TMC5: variants seen among roughly 807,000 people sequenced by gnomAD.
TMC5 encodes transmembrane channel-like protein 5.
TMC5 carries 86 observed loss-of-function variants against 110.5 expected under a neutral mutation model. That is an observed-to-expected ratio of 0.78 (90% CI 0.65 to 0.93). The LOEUF is 0.93. Ranked by LOEUF, TMC5 falls within the 40% of genes least tolerant of loss-of-function variation. The probability of loss-of-function intolerance (pLI) is 0.00; values close to 1 mark genes in which losing one functional copy is unlikely to be tolerated. For missense variants in TMC5, 1,144 were observed against 1,222.8 expected (o/e 0.94, Z 0.96); for synonymous variants, 455 against 439.5 (o/e 1.04, Z -0.44).
chr16:19,454,919 G>C (rs1967829682), intron 5 of TMC5, among the ~76,000 whole-genome samples: 1 of 152,136 alleles, frequency 6.6e-6, no homozygotes, highest in Admixed American at 6.6e-5. Flanking sequence ...TGGGAGAATT[G>C]CTTGAAACCA....
chr16:19,447,411 A>G (rs796911765), intron 4 of TMC5, among the ~76,000 whole-genome samples: 46 of 152,302 alleles, frequency 3.0e-4, no homozygotes, highest in African/African-American at 1.0e-3. Context: ...CCCAATATCA[A>G]TGGAGGTAGT....
chr16:19,464,494 G>A (rs1312005523), intron 8 of TMC5, among the ~76,000 whole-genome samples: 1 of 152,180 alleles, frequency 6.6e-6, no homozygotes, highest in African/African-American at 2.4e-5. Context: ...TAGAATTTCT[G>A]TCTCCAGAGG....
At chr16:19,437,295 A>G (rs1206098814) in intron 2 of TMC5, among the ~76,000 whole-genome samples, 3 of 152,346 alleles carry the variant, frequency 2.0e-5, no homozygotes, top group East Asian at 3.9e-4. Context: ...ACTGGGTTGT[A>G]TGCTCTGACA....
chr16:19,418,727 GTTT>G (rs57232416), intron 1 of TMC5, among the ~76,000 whole-genome samples: 40 of 119,112 alleles, frequency 3.4e-4, no homozygotes, highest in Non-Finnish European at 4.5e-4. Context: ...TGATTTTTGT[GTTT>G]TTTTTTTTTT....
At chr16:19,447,902 G>A (rs1967649267) in intron 4 of TMC5, among the ~76,000 whole-genome samples, 1 of 149,716 alleles carries the variant, frequency 6.7e-6, no homozygotes, top group Admixed American at 6.6e-5. Context: ...GAGATGCTAA[G>A]ACACACACCC....
At chr16:19,425,377 C>G (rs1344402844) in intron 1 of TMC5, among the ~76,000 whole-genome samples, 1 of 149,170 alleles carries the variant, frequency 6.7e-6, no homozygotes, top group Non-Finnish European at 1.5e-5. Flanking sequence ...CACAGACAGG[C>G]CAGAGTTTAG....
intron 5 of TMC5, among the ~76,000 whole-genome samples, chr16:19,451,956 A>G (rs113104271): frequency 0.07 from 10,714 of 152,008 alleles, 773 homozygotes; most frequent in African/African-American, 0.19. Context: ...GCGCCACCAC[A>G]CCCAGCTCAT....
rs532485430 is a variant in TMC5, at chr16:19,453,813, C to T, written c.1048+4182C>T. Reference sequence around the variant, plus strand: ...CAAAAGATAGCCTGATAAAGTATAGCTTTGATGAATTAATTATGCTGTGTC... The same window carrying T: ...CAAAAGATAGCCTGATAAAGTATAGTTTTGATGAATTAATTATGCTGTGTC... On this transcript the variant is annotated intron_variant, in intron 5 of 21. Coordinates refer to ENST00000542583, the MANE Select transcript of TMC5 (RefSeq NM_001261841.2). Among the ~76,000 whole-genome samples the T allele has an allele frequency of 7.7e-4, 117 of 152,110 alleles. No homozygotes were observed. In the Middle Eastern group the frequency reaches 0.014, roughly 18 times the overall value.
intron 19 of TMC5, among the ~76,000 whole-genome samples, chr16:19,493,445 GTCTCTC>G (rs758091886): frequency 7.2e-4 from 42 of 58,306 alleles, no homozygotes; most frequent in African/African-American, 2.2e-3. Flanking sequence ...TTTGGTTAAT[GTCTCTC>G]TCTCTCTCTC....
At chr16:19,461,905 G>C (rs1464732305) in intron 6 of TMC5, among the ~76,000 whole-genome samples, 1 of 152,162 alleles carries the variant, frequency 6.6e-6, no homozygotes, top group Non-Finnish European at 1.5e-5. Context: ...AGTCAAAATA[G>C]AGATTGCAAT....
chr16:19,467,622 T>C (rs1968222759), intron 9 of TMC5, among the ~76,000 whole-genome samples: 1 of 151,860 alleles, frequency 6.6e-6, no homozygotes, highest in Non-Finnish European at 1.5e-5. Flanking sequence ...GCTGGGACTA[T>C]AGGTATGTGC....
intron 5 of TMC5, among the ~76,000 whole-genome samples, chr16:19,451,582 C>G (rs972363103): frequency 3.3e-5 from 5 of 152,106 alleles, no homozygotes; most frequent in African/African-American, 1.2e-4. Context: ...CAACCATCAA[C>G]ACAGAAGGCT....
At chr16:19,467,342 G>T (rs1049183179) in intron 9 of TMC5, among the ~76,000 whole-genome samples, 1 of 151,954 alleles carries the variant, frequency 6.6e-6, no homozygotes, top group Non-Finnish European at 1.5e-5. Context: ...GCTTGTAGAC[G>T]GCCACTGTCT....
intron 9 of TMC5, among the ~76,000 whole-genome samples, chr16:19,466,868 G>A (rs1027630973): frequency 6.6e-6 from 1 of 152,170 alleles, no homozygotes; most frequent in African/African-American, 2.4e-5. Context: ...ATGAAAGGCT[G>A]GGCACGGTGC....
chr16:19,474,048 A>C, intron 11 of TMC5, 77 bp from the exon 12 acceptor site: 1 of 1,431,686 alleles, frequency 7.0e-7, no homozygotes, highest in Non-Finnish European at 9.4e-7. Flanking sequence ...GTTTTCTATC[A>C]TGGGAGACTT....
rs78879437 is a variant in TMC5 at position 19,463,341 on chromosome 16, A to G, written c.1210A>G (p.Ile404Val). Residue 404 changes from isoleucine (I) to valine (V), a missense_variant, in exon 7 of 22, where the codon ATT becomes GTT. Transcript: ENST00000542583. ...TCGTATCCTTCAGCTCAATTGCTGT[A>G]TTCAGTGTCTGAACTCCATTTCCCG... The part of the protein sequence containing the change: ...THRILQLNCC[I>V]QCLNSISRAY... 5.0e-4 allele frequency: 814 copies of G among 1,614,070 alleles called. 18 individuals carry two copies. In the East Asian group the frequency reaches 0.017, roughly 34 times the overall value.
chr16:19,426,516 T>G (rs1395230936), intron 1 of TMC5, among the ~76,000 whole-genome samples: 1 of 152,116 alleles, frequency 6.6e-6, no homozygotes, highest in Non-Finnish European at 1.5e-5. Context: ...TCTTGTTGGA[T>G]AGCAGAGGAG....
intron 1 of TMC5, among the ~76,000 whole-genome samples, chr16:19,420,798 C>T (rs1316650394): frequency 1.3e-5 from 2 of 152,256 alleles, no homozygotes; most frequent in African/African-American, 2.4e-5. Flanking sequence ...AAAAGACAGT[C>T]CTGTGTTTAG....
At chr16:19,494,180 TC>T (rs1401871087) in intron 19 of TMC5, 81 bp from the exon 20 acceptor site, 1 of 1,106,720 alleles carries the variant, frequency 9.0e-7, no homozygotes, top group African/African-American at 1.6e-5. Context: ...CCGACGTTCT[TC>T]CCATCAATTG....
Sources: allele counts gnomAD v4.1 joint callset (sites outside exome capture counted in the v4.1 genomes callset), GRCh38; gene constraint gnomAD v4.1.1; transcripts MANE v1.5; gene names NCBI Gene and HGNC (gene_info 2026-07-23, HGNC 2026-07-21).